TEC: variants seen among roughly 807,000 people sequenced by gnomAD.
TEC encodes tec protein tyrosine kinase.
Under a neutral mutation model 93.0 loss-of-function variants are expected in TEC, and 72 were observed. The observed-to-expected ratio is 0.77, with a 90% CI of 0.64 to 0.94. TEC has a LOEUF of 0.94. Among genes scored for constraint, TEC ranks in the 40% least tolerant of loss-of-function variants. TEC has a pLI of 0.00. For synonymous variants in TEC, 249 were observed against 247.7 expected (o/e 1.01, Z -0.05); for missense variants, 630 against 757.9 (o/e 0.83, Z 1.98).
In TEC at chr4:48,139,026, G is replaced by C. The variant is rs951989520; in HGVS notation, c.1536-4C>G. The C allele has an allele frequency of 3.1e-6, 5 of 1,608,642 alleles. No homozygotes were observed. On this transcript the variant is annotated splice_polypyrimidine_tract_variant and splice_region_variant and intron_variant, in intron 15 of 17. Transcript: ENST00000381501. The stretch of plus-strand genomic sequence containing the variant: ...GTACTGATCATCCAGAACATACCTA[G>C]AGTAAGACACACCATGGGTTTACAC...
intron 1 of TEC, among the ~76,000 whole-genome samples, chr4:48,258,721 A>G (rs1184599579): frequency 7.2e-6 from 1 of 139,262 alleles, no homozygotes; most frequent in Non-Finnish European, 1.6e-5. Flanking sequence ...TACTTACCAG[A>G]CTTTGTGTGG....
rs557410862 is a variant in TEC, at chr4:48,198,053, C to T, written c.139-21867G>A. Among the ~76,000 whole-genome samples, 3 of 152,346 alleles carry T rather than the reference C, an allele frequency of 2.0e-5. No homozygotes were observed. In the East Asian group the frequency reaches 5.8e-4, roughly 29 times the overall value. On this transcript the variant is annotated intron_variant, in intron 2 of 17. Coordinates refer to ENST00000381501, the MANE Select transcript of TEC (RefSeq NM_003215.3). Reference sequence around the variant, plus strand: ...CATGCAACCCGGAGATGGAGGACTGCCCTCCCAGCCCATTCCGCCCTTCCT... The same window carrying T: ...CATGCAACCCGGAGATGGAGGACTGTCCTCCCAGCCCATTCCGCCCTTCCT...
chr4:48,264,406 C>G (rs1334502929), intron 1 of TEC, among the ~76,000 whole-genome samples: 1 of 152,192 alleles, frequency 6.6e-6, no homozygotes, highest in African/African-American at 2.4e-5. Context: ...ACACAAACAG[C>G]ATGGAGGGGT....
At chr4:48,182,964 T>C (rs937577328) in intron 2 of TEC, among the ~76,000 whole-genome samples, 3 of 152,170 alleles carry the variant, frequency 2.0e-5, no homozygotes, top group African/African-American at 7.2e-5. Context: ...GGGAAAGGCT[T>C]GCCAGGGTGT....
At chr4:48,227,670 G>A (rs1450387425) in intron 2 of TEC, among the ~76,000 whole-genome samples, 7 of 147,002 alleles carry the variant, frequency 4.8e-5, no homozygotes, top group African/African-American at 1.8e-4. Context: ...AACTAAACCA[G>A]GATCACCAAC....
chr4:48,150,432 C>G (rs2109516170), intron 10 of TEC, among the ~76,000 whole-genome samples: 1 of 152,254 alleles, frequency 6.6e-6, no homozygotes, highest in African/African-American at 2.4e-5. Context: ...CAAGATGTGC[C>G]TGGGCTGTGT....
chr4:48,143,099 G>A (rs1002123545), intron 14 of TEC, among the ~76,000 whole-genome samples: 3 of 152,162 alleles, frequency 2.0e-5, no homozygotes, highest in African/African-American at 4.8e-5. Context: ...CTTGCTGAGT[G>A]CATTTTAAGA....
intron 2 of TEC, among the ~76,000 whole-genome samples, chr4:48,211,657 C>A (rs1203039575): frequency 6.6e-6 from 1 of 152,182 alleles, no homozygotes; most frequent in Non-Finnish European, 1.5e-5. Context: ...AGACAATGAA[C>A]GTGAATAAAT....
At chr4:48,179,357 TATATATATATATATATATA>T (rs1560393106) in intron 2 of TEC, among the ~76,000 whole-genome samples, 9 of 38,826 alleles carry the variant, frequency 2.3e-4, no homozygotes, top group African/African-American at 7.4e-4. Flanking sequence ...TATATATATA[TATATATATATATATATATA>T]TTTTTTTTTT....
At chr4:48,206,843 T>G (rs1254468601) in intron 2 of TEC, among the ~76,000 whole-genome samples, 2 of 150,538 alleles carry the variant, frequency 1.3e-5, no homozygotes, top group African/African-American at 4.9e-5. Context: ...CCTGTAGTCC[T>G]AGCTACCAGA....
At chr4:48,160,626 T>C (rs1165807237) in intron 8 of TEC, among the ~76,000 whole-genome samples, 2 of 150,512 alleles carry the variant, frequency 1.3e-5, no homozygotes, top group African/African-American at 4.9e-5. Flanking sequence ...ACCCAGGAGG[T>C]TGAGGCAGGA....
intron 2 of TEC, among the ~76,000 whole-genome samples, chr4:48,199,085 T>C (rs1722401541): frequency 6.6e-6 from 1 of 152,240 alleles, no homozygotes; most frequent in Non-Finnish European, 1.5e-5. Flanking sequence ...GTGAAGAAAC[T>C]GAGACTTAGA....
At chr4:48,201,963 T>A (rs1414948908) in intron 2 of TEC, among the ~76,000 whole-genome samples, 1 of 146,980 alleles carries the variant, frequency 6.8e-6, no homozygotes, top group Admixed American at 6.7e-5. Flanking sequence ...TTTTTTTTTT[T>A]TTTTTTTTTT....
chr4:48,184,768 A>ACACACACACACACAC (rs1190852276), intron 2 of TEC, among the ~76,000 whole-genome samples: 2 of 96,906 alleles, frequency 2.1e-5, no homozygotes, highest in African/African-American at 7.2e-5. Context: ...AGACAAAAAA[A>ACACACACACACACAC]ATACACACAC....
At chr4:48,178,392 G>T (rs902998637) in intron 2 of TEC, among the ~76,000 whole-genome samples, 1 of 152,108 alleles carries the variant, frequency 6.6e-6, no homozygotes, top group Non-Finnish European at 1.5e-5. Flanking sequence ...GTCTCTAAGA[G>T]AAAAGTTAAA....
At chr4:48,257,355 G>A (rs1318631029) in intron 1 of TEC, among the ~76,000 whole-genome samples, 12 of 152,144 alleles carry the variant, frequency 7.9e-5, no homozygotes, top group Non-Finnish European at 1.6e-4. Flanking sequence ...AGGGGCTTGG[G>A]GTGATATCCA....
intron 1 of TEC, among the ~76,000 whole-genome samples, chr4:48,242,959 G>A (rs1055575069): frequency 2.0e-5 from 3 of 152,138 alleles, no homozygotes; most frequent in African/African-American, 7.2e-5. Context: ...AGGCTGATGA[G>A]CTCTAATGTT....
chr4:48,227,449 C>T (rs951526329), intron 2 of TEC, among the ~76,000 whole-genome samples: 4 of 152,014 alleles, frequency 2.6e-5, no homozygotes, highest in African/African-American at 4.8e-5. Context: ...TCAAGACCAG[C>T]CTGGCCAATA....
Position 48,233,622 on chromosome 4 carries a change from A to G in TEC, c.-45-4963T>C, listed in dbSNP as rs1467594543. Reference sequence around the variant, plus strand: ...AAGTTGGAAGAAACAAAAGTTGTACAGAAAAAAAGAAAATGTTAAAAAAAA... The same window carrying G: ...AAGTTGGAAGAAACAAAAGTTGTACGGAAAAAAAGAAAATGTTAAAAAAAA... On this transcript the variant is annotated intron_variant, in intron 1 of 17. Transcript: ENST00000381501. Among the ~76,000 whole-genome samples the G allele has an allele frequency of 2.2e-5, 3 of 137,200 alleles. No homozygotes were observed. The South Asian group carries it at 6.6e-4, about 30-fold the overall frequency. 90.0% of individuals were successfully genotyped at this position (137,200 alleles called of 152,430 possible). A position where few individuals can be genotyped will look rare whatever the true frequency, so the allele number is the denominator to read the frequency against.
Sources: gnomAD v4.1 joint callset for allele counts (sites outside exome capture counted in the v4.1 genomes callset) on GRCh38, gnomAD v4.1.1 for gene constraint, MANE v1.5 for transcripts, NCBI Gene and HGNC (gene_info 2026-07-23, HGNC 2026-07-21) for gene names.